PHETA1: variants seen among roughly 807,000 people sequenced by gnomAD.
PHETA1 encodes the protein PH domain containing endocytic trafficking adaptor 1.
For synonymous variants in PHETA1, 155 were observed against 168.9 expected, an observed-to-expected ratio of 0.92 and a Z score of 0.64; for missense variants, 348 against 373.5, an observed-to-expected ratio of 0.93 and a Z score of 0.56.
rs1869165802 is a variant in PHETA1 at position 111,368,548 on chromosome 12, C to T, written c.-182+364G>A. Among the ~76,000 whole-genome samples the T allele has an allele frequency of 6.6e-6, 1 of 152,238 alleles. No homozygotes were observed. Among genetic ancestry groups the T allele is most frequent in the East Asian group, 1.9e-4 (1 of 5,204 alleles). On this transcript the variant is annotated intron_variant, in intron 1 of 2. Coordinates refer to ENST00000683047, the MANE Select transcript of PHETA1 (RefSeq NM_144671.6). This position sits in a 1 kb window ranked among gnomAD's most constrained non-coding sequence, Gnocchi z 5.0. ...ACACAGGCAGCCCCCTTGTCCACGG[C>T]AGGGGCTGCTGCTCCAGGTGTGGCC...
chr12:111,366,620 C>T (rs982692113), intron 1 of PHETA1, among the ~76,000 whole-genome samples: 1 of 152,164 alleles, frequency 6.6e-6, no homozygotes, highest in African/African-American at 2.4e-5. Context: ...CCCTCCCTGT[C>T]CATGTTCCTC....
In PHETA1 at chr12:111,361,188, C is replaced by T. The variant is rs1005810763; in HGVS notation, c.*1490G>A. 1 of 152,122 alleles carries T rather than the reference C, an allele frequency of 6.6e-6. No individual in the cohort carries two copies. Among genetic ancestry groups the T allele is most frequent in the African/African-American group, 2.4e-5 (1 of 41,430 alleles). 9.4% of individuals were successfully genotyped at this position (152,122 alleles called of 1,614,324 possible). ...AGTCCAGAGTCACAGACCGTATCCCCTCCCACCAGCAAACAGGAAACTAAA... is the reference window on the plus strand; with the variant it reads ...AGTCCAGAGTCACAGACCGTATCCCTTCCCACCAGCAAACAGGAAACTAAA... On this transcript the variant is annotated 3_prime_UTR_variant, in exon 3 of 3. Coordinates refer to ENST00000683047, the MANE Select transcript of PHETA1 (RefSeq NM_144671.6).
At position 111,362,885 on chromosome 12, in the gene PHETA1, G is replaced by GA; in HGVS notation, c.542dup (p.Pro183AlafsTer12). 1 of 1,529,360 alleles carries GA rather than the reference G, an allele frequency of 6.5e-7. No homozygotes were observed. Among genetic ancestry groups the GA allele is most frequent in the Non-Finnish European group, 8.8e-7 (1 of 1,142,202 alleles). 94.7% of individuals were successfully genotyped at this position (1,529,360 alleles called of 1,614,324 possible). On this transcript the variant is annotated frameshift_variant, in exon 3 of 3. Transcript: ENST00000683047. LOFTEE classifies it low-confidence loss of function (END_TRUNC). ...CAGCGCAGCCATTCTCCTTGGGCGGGAGGGCACTGGGCCGGCGGGGCAGGG... is the reference window on the plus strand; with the variant it reads ...CAGCGCAGCCATTCTCCTTGGGCGGGAAGGGCACTGGGCCGGCGGGGCAGGG...
At position 111,367,269 on chromosome 12, in the gene PHETA1, T is replaced by G. The variant is rs752574705; in HGVS notation, c.-181-1012A>C. On this transcript the variant is annotated intron_variant, in intron 1 of 2. Coordinates refer to ENST00000683047, the MANE Select transcript of PHETA1 (RefSeq NM_144671.6). The surrounding 1 kb of genome is among the most constrained non-coding windows in gnomAD (Gnocchi z 4.0). The stretch of plus-strand genomic sequence containing the variant: ...AGAGAGGTGGTCCCTGGCCACCCTA[T>G]GCACAAGAGGCCCCCCAGTCCCTCT... 5.9e-5 allele frequency among the ~76,000 whole-genome samples: 9 copies of G among 152,176 alleles called. No individual in the cohort carries two copies. Among genetic ancestry groups the G allele is most frequent in the Non-Finnish European group, 1.0e-4 (7 of 68,026 alleles).
At position 111,363,284 on chromosome 12, in the gene PHETA1, G is replaced by A; in HGVS notation, c.144C>T (p.Tyr48=). The A allele has an allele frequency of 6.2e-7, 1 of 1,613,172 alleles. No individual in the cohort carries two copies. Among genetic ancestry groups the A allele is most frequent in the Non-Finnish European group, 8.5e-7 (1 of 1,179,938 alleles). The change falls in exon 3 of 3, where the codon TAC becomes TAT. Residue 48 remains tyrosine (Y), a synonymous_variant. Transcript: ENST00000683047. The surrounding 1 kb of genome is among the most constrained non-coding windows in gnomAD (Gnocchi z 7.4). ...WFVLRGNMLF[Y]FEDAASREPV... ...GCTCACGGCTGGCAGCGTCCTCGAA[G>A]TAGAAGAGCATGTTCCCGCGCAGCA...
chr12:111,362,115 C>G lies in PHETA1; in HGVS notation c.*563G>C. 1 of 414,738 alleles carries G rather than the reference C, an allele frequency of 2.4e-6. No homozygotes were observed. Among genetic ancestry groups the G allele is most frequent in the Non-Finnish European group, 4.9e-6 (1 of 205,808 alleles). The allele number at this position is 414,738 out of a possible 1,614,324, so 25.7% of individuals were successfully genotyped here. On this transcript the variant is annotated 3_prime_UTR_variant, in exon 3 of 3. Transcript: ENST00000683047. ...TAACACCTGCACCTGTGTCCCCAGT[C>G]ACTACCCTCCCAGCCACCGTCCTGC...
At position 111,362,901 on chromosome 12, in the gene PHETA1, C is replaced by CGGGGCA. The variant is rs1298037608; in HGVS notation, c.521_526dup (p.Leu174_Pro175dup). 8 of 1,288,980 alleles carry CGGGGCA rather than the reference C, an allele frequency of 6.2e-6. No individual in the cohort carries two copies. The highest frequency in any genetic ancestry group is 4.7e-5 in the East Asian group (1 of 21,092). 79.8% of individuals were successfully genotyped at this position (1,288,980 alleles called of 1,614,324 possible). A position where few individuals can be genotyped will look rare whatever the true frequency, so the allele number is the denominator to read the frequency against. On this transcript the variant is annotated inframe_insertion, in exon 3 of 3. Coordinates refer to ENST00000683047, the MANE Select transcript of PHETA1 (RefSeq NM_144671.6). ...CTTGGGCGGGAGGGCACTGGGCCGG[C>CGGGGCA]GGGGCAGGGGCAGGGCTGGGACCGG...
rs370974798 is a variant in PHETA1 at position 111,363,044 on chromosome 12, C to T, written c.384G>A (p.Ala128=). Residue 128 remains alanine (A), a synonymous_variant, in exon 3 of 3, where the codon GCG becomes GCA. Coordinates refer to ENST00000683047, the MANE Select transcript of PHETA1 (RefSeq NM_144671.6). This position sits in a 1 kb window ranked among gnomAD's most constrained non-coding sequence, Gnocchi z 7.4. ...CCATGCCACCCCCGCCACGTACAGC[C>T]GCCAGCTGCTGCTCCAGCTCGCGCA... ...LVVRELEQQL[A]AVRGGGGMAL... The T allele has an allele frequency of 8.1e-5, 126 of 1,556,234 alleles. No homozygotes were observed. In the South Asian group the frequency reaches 1.4e-3, roughly 17 times the overall value.
rs1463979025 is a variant in PHETA1 at position 111,368,492 on chromosome 12, A to AC, written c.-182+419dup. The stretch of plus-strand genomic sequence containing the variant: ...CCTGGCCGTCACCGCCCCAGCAGGG[A>AC]CCCCAGAGACACGCCAGCACCGCCG... On this transcript the variant is annotated intron_variant, in intron 1 of 2. Coordinates refer to ENST00000683047, the MANE Select transcript of PHETA1 (RefSeq NM_144671.6). The surrounding 1 kb of genome is among the most constrained non-coding windows in gnomAD (Gnocchi z 5.0). 1.3e-5 allele frequency among the ~76,000 whole-genome samples: 2 copies of AC among 152,134 alleles called. No individual in the cohort carries two copies. Among genetic ancestry groups the AC allele is most frequent in the African/African-American group, 2.4e-5 (1 of 41,420 alleles).
rs937750316 is a variant in PHETA1, at chr12:111,367,149, T to A, written c.-181-892A>T. 5.3e-5 allele frequency among the ~76,000 whole-genome samples: 8 copies of A among 151,730 alleles called. No individual in the cohort carries two copies. The highest frequency in any genetic ancestry group is 1.7e-4 in the African/African-American group (7 of 41,348). On this transcript the variant is annotated intron_variant, in intron 1 of 2. Transcript: ENST00000683047. This position sits in a 1 kb window ranked among gnomAD's most constrained non-coding sequence, Gnocchi z 4.0. ...CTGTTCCTCAAATACACCAGACACA[T>A]CCCCACCTCCAAGACTTGGTCCCGG...
At position 111,363,996 on chromosome 12, in the gene PHETA1, TG is replaced by T. The variant is rs1461192434; in HGVS notation, c.-36-534del. On this transcript the variant is annotated intron_variant, in intron 2 of 2. Transcript: ENST00000683047. The surrounding 1 kb of genome is among the most constrained non-coding windows in gnomAD (Gnocchi z 7.4). ...CAGCCCTGACTTTGTGGTTCGACTT[TG>T]GTTTGTTCATCCATGAAATGGATGA... 1.3e-5 allele frequency among the ~76,000 whole-genome samples: 2 copies of T among 152,198 alleles called. No individual in the cohort carries two copies. The highest frequency in any genetic ancestry group is 4.8e-5 in the African/African-American group (2 of 41,448).
At chr12:111,364,927 A>T (rs902441301) in intron 2 of PHETA1, among the ~76,000 whole-genome samples, 1 of 151,464 alleles carries the variant, frequency 6.6e-6, no homozygotes, top group African/African-American at 2.4e-5. Context: ...ACTCCGTCTC[A>T]AAAAAAAAGA....
At position 111,363,613 on chromosome 12, in the gene PHETA1, C is replaced by A. The variant is rs1201598494; in HGVS notation, c.-36-150G>T. 2 of 1,534,424 alleles carry A rather than the reference C, an allele frequency of 1.3e-6. No individual in the cohort carries two copies. The highest frequency in any genetic ancestry group is 1.2e-5 in the South Asian group (1 of 83,212). On this transcript the variant is annotated intron_variant, in intron 2 of 2. Coordinates refer to ENST00000683047, the MANE Select transcript of PHETA1 (RefSeq NM_144671.6). The surrounding 1 kb of genome is among the most constrained non-coding windows in gnomAD (Gnocchi z 7.4). ...TGGAAGCAGCTGGCCTATGCGCCCA[C>A]AACTCCTAAGAAGCAGAGACAGGAC...
Position 111,362,564 on chromosome 12 carries a change from G to C in PHETA1, c.*114C>G. 6.5e-7 allele frequency: 1 copy of C among 1,537,382 alleles called. No individual in the cohort carries two copies. Among genetic ancestry groups the C allele is most frequent in the South Asian group, 1.2e-5 (1 of 83,218 alleles). On this transcript the variant is annotated 3_prime_UTR_variant, in exon 3 of 3. Coordinates refer to ENST00000683047, the MANE Select transcript of PHETA1 (RefSeq NM_144671.6). ...AAAACCAGGCCACTCAGGGCCTGGG[G>C]GCCAGCCTTGCCCATGATTTCCCTC...
rs978522808 is a variant in PHETA1 at position 111,367,274 on chromosome 12, A to G, written c.-181-1017T>C. 6.6e-6 allele frequency among the ~76,000 whole-genome samples: 1 copy of G among 152,116 alleles called. No individual in the cohort carries two copies. The highest frequency in any genetic ancestry group is 2.4e-5 in the African/African-American group (1 of 41,418). On this transcript the variant is annotated intron_variant, in intron 1 of 2. Transcript: ENST00000683047. This position sits in a 1 kb window ranked among gnomAD's most constrained non-coding sequence, Gnocchi z 4.0. ...GGTGGTCCCTGGCCACCCTATGCAC[A>G]AGAGGCCCCCCAGTCCCTCTCCTGT...
At position 111,362,885 on chromosome 12, in the gene PHETA1, G is replaced by A. The variant is rs1565946609; in HGVS notation, c.543C>T (p.Leu181=). 6.5e-7 allele frequency: 1 copy of A among 1,529,360 alleles called. No individual in the cohort carries two copies. Among genetic ancestry groups the A allele is most frequent in the Non-Finnish European group, 8.8e-7 (1 of 1,142,202 alleles). 94.7% of individuals were successfully genotyped at this position (1,529,360 alleles called of 1,614,324 possible). A position where few individuals can be genotyped will look rare whatever the true frequency, so the allele number is the denominator to read the frequency against. The part of the protein sequence containing the change: ...ALPLPRRPSA[L]PPKENGCAVW... Reference sequence around the variant, plus strand: ...CAGCGCAGCCATTCTCCTTGGGCGGGAGGGCACTGGGCCGGCGGGGCAGGG... The same window carrying A: ...CAGCGCAGCCATTCTCCTTGGGCGGAAGGGCACTGGGCCGGCGGGGCAGGG... The change falls in exon 3 of 3, where the codon CTC becomes CTT. Residue 181 remains leucine (L), a synonymous_variant. Transcript: ENST00000683047.
rs763709503 is a variant in PHETA1, at chr12:111,363,239, C to T, written c.189G>A (p.Leu63=). ...ASREPVGVII[L]EGCTVELVEA... ...CCACCAGCTCCACAGTGCAGCCCTC[C>T]AGGATGATGACGCCCACGGGCTCAC... Residue 63 remains leucine, a synonymous_variant, in exon 3 of 3, where the codon CTG becomes CTA. Coordinates refer to ENST00000683047, the MANE Select transcript of PHETA1 (RefSeq NM_144671.6). The surrounding 1 kb of genome is among the most constrained non-coding windows in gnomAD (Gnocchi z 7.4). 1.7e-5 allele frequency: 27 copies of T among 1,613,178 alleles called. No homozygotes were observed. In the African/African-American group the frequency reaches 3.2e-4, roughly 19 times the overall value.
rs1191357512 is a variant in PHETA1, at chr12:111,367,936, C to G, written c.-182+976G>C. ...TCCCAAGGCAAAGTTCCTGCCTCCG[C>G]AGGTCCAGGCTGGAGGACCTTGGAC... On this transcript the variant is annotated intron_variant, in intron 1 of 2. Coordinates refer to ENST00000683047, the MANE Select transcript of PHETA1 (RefSeq NM_144671.6). This position sits in a 1 kb window ranked among gnomAD's most constrained non-coding sequence, Gnocchi z 4.0. Among the ~76,000 whole-genome samples the G allele has an allele frequency of 6.6e-6, 1 of 152,272 alleles. No homozygotes were observed.
intron 2 of PHETA1, chr12:111,365,612 G>T: frequency 2.2e-6 from 1 of 447,110 alleles, no homozygotes; most frequent in Middle Eastern, 3.6e-4. Flanking sequence ...TGTCCTTTGC[G>T]GGGAAATAGA....
Sources: allele counts gnomAD v4.1 joint callset (sites outside exome capture counted in the v4.1 genomes callset), GRCh38; gene constraint gnomAD v4.1.1; non-coding constraint Gnocchi (gnomAD v3.1); transcripts MANE v1.5; gene names NCBI Gene and HGNC (gene_info 2026-07-23, HGNC 2026-07-21).